Variants in SLC12A8 observed in about 807,000 individuals in gnomAD.
SLC12A8 encodes the protein solute carrier family 12 member 8, also known as cation-chloride cotransporter 9.
Under a neutral mutation model 75.6 loss-of-function variants are expected in SLC12A8, and 69 were observed. That is an observed-to-expected ratio of 0.91 (90% CI 0.75 to 1.11). The LOEUF (loss-of-function observed/expected upper bound fraction) is 1.11. Among genes scored for constraint, SLC12A8 ranks in the 50% most tolerant of loss-of-function variants. SLC12A8 has a pLI of 0.00. For synonymous variants in SLC12A8, 365 were observed against 372.8 expected (o/e 0.98, Z 0.24); for missense variants, 877 against 896.7 (o/e 0.98, Z 0.28).
chr3:125,210,855 G>T (rs1489814708), intron 2 of SLC12A8, among the ~76,000 whole-genome samples: 3 of 152,042 alleles, frequency 2.0e-5, no homozygotes, highest in Non-Finnish European at 4.4e-5. Context: ...GATCAGCAGG[G>T]AGAAGATAAA....
intron 6 of SLC12A8, among the ~76,000 whole-genome samples, chr3:125,134,824 T>C (rs1437458996): frequency 2.6e-5 from 4 of 152,132 alleles, no homozygotes; most frequent in Non-Finnish European, 5.9e-5. Context: ...GAAATGGCCA[T>C]ATGTAGGAGG....
intron 13 of SLC12A8, among the ~76,000 whole-genome samples, chr3:125,084,456 C>T (rs917829467): frequency 1.3e-5 from 2 of 151,846 alleles, no homozygotes; most frequent in African/African-American, 2.4e-5. Flanking sequence ...AGAAAATTCT[C>T]GTAGGTCTAT....
chr3:125,188,100 G>A (rs1934832118), intron 3 of SLC12A8, among the ~76,000 whole-genome samples: 3 of 152,158 alleles, frequency 2.0e-5, no homozygotes, highest in Admixed American at 2.0e-4. Flanking sequence ...GAGGTGTTTG[G>A]GTCATGGGGG....
At chr3:125,153,798 T>C (rs908097669) in intron 5 of SLC12A8, among the ~76,000 whole-genome samples, 27 of 152,150 alleles carry the variant, frequency 1.8e-4, no homozygotes, top group Non-Finnish European at 3.8e-4. Flanking sequence ...AAAATGCCTA[T>C]GTGACGAGAC....
chr3:125,163,974 G>A (rs560672962), intron 5 of SLC12A8, among the ~76,000 whole-genome samples: 2 of 152,242 alleles, frequency 1.3e-5, no homozygotes, highest in Non-Finnish European at 1.5e-5. Flanking sequence ...TGAGCTGAGC[G>A]TGTCTATGGC....
At chr3:125,150,528 GT>G (rs1933894130) in intron 5 of SLC12A8, among the ~76,000 whole-genome samples, 2 of 152,292 alleles carry the variant, frequency 1.3e-5, no homozygotes, top group South Asian at 4.2e-4. Flanking sequence ...TAGATTACTA[GT>G]CCAAAATTTG....
At chr3:125,175,460 G>A (rs370612056) in intron 5 of SLC12A8, among the ~76,000 whole-genome samples, 2 of 152,262 alleles carry the variant, frequency 1.3e-5, no homozygotes, top group African/African-American at 4.8e-5. Context: ...CTCTACTAAT[G>A]TATTGACCAG....
At chr3:125,207,565 C>A (rs1293063912) in intron 2 of SLC12A8, among the ~76,000 whole-genome samples, 2 of 152,182 alleles carry the variant, frequency 1.3e-5, no homozygotes, top group Non-Finnish European at 2.9e-5. Context: ...TAAATGAAAC[C>A]GAGTTTTCTC....
intron 2 of SLC12A8, among the ~76,000 whole-genome samples, chr3:125,203,860 C>T (rs1935177284): frequency 6.6e-6 from 1 of 152,082 alleles, no homozygotes; most frequent in Admixed American, 6.5e-5. Context: ...ATATCCAGAA[C>T]ATACAAGGAA....
Position 125,187,253 on chromosome 3 carries a change from A to T in SLC12A8, c.374T>A (p.Leu125His), listed in dbSNP as rs1934806933. The T allele has an allele frequency of 6.2e-7, 1 of 1,614,126 alleles. No homozygotes were observed. Among genetic ancestry groups the T allele is most frequent in the Non-Finnish European group, 8.5e-7 (1 of 1,180,000 alleles). The change falls in exon 4 of 14, where the codon CTC becomes CAC. Residue 125 changes from leucine to histidine, a missense_variant. Leu to His is a moderately conservative substitution (Grantham distance 99, BLOSUM62 -3). Coordinates refer to ENST00000469902, the MANE Select transcript of SLC12A8 (RefSeq NM_024628.6). ...GGQTGGTIGL[L>H]YVFGQCVAGA... is the part of the protein sequence containing the mutation. Reference sequence around the variant, plus strand: ...AGGCCTCACCTGTCCAAACACATAGAGCAGCCCGATGGTGCCTCCCGTCTG... The same window carrying T: ...AGGCCTCACCTGTCCAAACACATAGTGCAGCCCGATGGTGCCTCCCGTCTG...
At chr3:125,184,060 C>T (rs2065196480) in intron 4 of SLC12A8, among the ~76,000 whole-genome samples, 1 of 152,046 alleles carries the variant, frequency 6.6e-6, no homozygotes, top group South Asian at 2.1e-4. Context: ...GCAACCTCTG[C>T]CTCCCAGGTT....
chr3:125,149,196 G>GGGGTC (rs1430080002), intron 5 of SLC12A8, among the ~76,000 whole-genome samples: 7 of 152,230 alleles, frequency 4.6e-5, no homozygotes, highest in Non-Finnish European at 1.0e-4. Context: ...AGCAGACTCG[G>GGGGTC]GGGTCGAAGC....
chr3:125,201,647 C>A (rs1224551114), intron 2 of SLC12A8, among the ~76,000 whole-genome samples: 1 of 147,814 alleles, frequency 6.8e-6, no homozygotes, highest in Non-Finnish European at 1.5e-5. Flanking sequence ...GTGGCATGCA[C>A]CTGTGGTCCC....
intron 4 of SLC12A8, among the ~76,000 whole-genome samples, chr3:125,186,465 C>T (rs113921934): frequency 2.6e-5 from 4 of 152,320 alleles, no homozygotes; most frequent in Admixed American, 1.3e-4. Flanking sequence ...GAGATTCTTG[C>T]ACACTCTAAC....
chr3:125,135,737 GTGT>G lies in SLC12A8; in HGVS notation c.665_667del (p.Asn222del). 6.2e-7 allele frequency: 1 copy of G among 1,609,692 alleles called. No individual in the cohort carries two copies. The highest frequency in any genetic ancestry group is 1.1e-5 in the South Asian group (1 of 90,242). Reference sequence around the variant, plus strand: ...TTCCCCCGGGCTGTAATCGGGCAGCGTGTTGTTCTGTAGCAGTTCGGGTGAATA... The same window carrying G: ...TTCCCCCGGGCTGTAATCGGGCAGCGTGTTCTGTAGCAGTTCGGGTGAATA... On this transcript the variant is annotated inframe_deletion, in exon 6 of 14. Transcript: ENST00000469902.
At chr3:125,106,352 G>GTTT (rs113822511) in intron 10 of SLC12A8, among the ~76,000 whole-genome samples, 14 of 149,742 alleles carry the variant, frequency 9.3e-5, no homozygotes, top group African/African-American at 3.3e-4. Context: ...GGTTTTTGGG[G>GTTT]TTTTTTGTTG....
chr3:125,124,282 G>T (rs1244726575), intron 6 of SLC12A8, among the ~76,000 whole-genome samples: 1 of 152,120 alleles, frequency 6.6e-6, no homozygotes, highest in Non-Finnish European at 1.5e-5. Context: ...GGGCAATGTG[G>T]GTGGTTCCCA....
At chr3:125,192,111 T>G (rs1204625486) in intron 2 of SLC12A8, among the ~76,000 whole-genome samples, 1 of 152,080 alleles carries the variant, frequency 6.6e-6, no homozygotes, top group African/African-American at 2.4e-5. Context: ...TCTCTGCTTG[T>G]GTTCCACTTC....
intron 2 of SLC12A8, among the ~76,000 whole-genome samples, chr3:125,192,997 C>T (rs1980080): frequency 0.61 from 93,172 of 151,992 alleles, 28,872 homozygotes; most frequent in Non-Finnish European, 0.67. Context: ...GATGGAAAGC[C>T]CCAGAATAAA....
Sources: allele counts gnomAD v4.1 joint callset (sites outside exome capture counted in the v4.1 genomes callset), GRCh38; gene constraint gnomAD v4.1.1; transcripts MANE v1.5; gene names NCBI Gene and HGNC (gene_info 2026-07-23, HGNC 2026-07-21).